ADGRL3: variants seen among roughly 807,000 people sequenced by gnomAD.
ADGRL3 encodes adhesion G protein-coupled receptor L3, also known as calcium-independent alpha-latrotoxin receptor 3.
A neutral mutation model predicts 153.5 loss-of-function variants in ADGRL3; 62 were observed. The ratio of observed to expected loss-of-function variants is 0.40; its 90% CI spans 0.33 to 0.50. The LOEUF is 0.50. Ranked by LOEUF, ADGRL3 falls within the 20% of genes least tolerant of loss-of-function variation. The probability of loss-of-function intolerance (pLI) is 0.47; values close to 1 mark genes in which losing one functional copy is unlikely to be tolerated. For missense variants in ADGRL3, 1,641 were observed against 1,859.4 expected (o/e 0.88, Z 2.16); for synonymous variants, 710 against 672.5 (o/e 1.06, Z -0.86).
intron 4 of ADGRL3, among the ~76,000 whole-genome samples, chr4:61,566,059 T>C (rs972015614): frequency 2.0e-5 from 3 of 152,142 alleles, no homozygotes; most frequent in Non-Finnish European, 4.4e-5. Flanking sequence ...CCCCAGAACA[T>C]TGAACTATAG....
At chr4:61,733,977 C>T (rs1580510468) in intron 8 of ADGRL3, among the ~76,000 whole-genome samples, 1 of 152,152 alleles carries the variant, frequency 6.6e-6, no homozygotes, top group Non-Finnish European at 1.5e-5. Context: ...GGAGCCCGCA[C>T]CAATGTAGTC....
At chr4:61,647,772 G>T (rs1394602470) in intron 5 of ADGRL3, among the ~76,000 whole-genome samples, 2 of 152,126 alleles carry the variant, frequency 1.3e-5, no homozygotes, top group East Asian at 3.9e-4. Flanking sequence ...GTAAAAAATT[G>T]TATAAGAAAT....
Position 61,851,122 on chromosome 4 carries a change from C to T in ADGRL3, c.1480+37233C>T, listed in dbSNP as rs989542595. 2.6e-5 allele frequency among the ~76,000 whole-genome samples: 4 copies of T among 152,214 alleles called. No homozygotes were observed. The East Asian group carries it at 7.7e-4, about 29-fold the overall frequency. ...TTTTTCTATCTACTGTTTTTAATTA[C>T]ATACTTAATATCCAAGTCTTTTAGT... On this transcript the variant is annotated intron_variant, in intron 9 of 26. Coordinates refer to ENST00000683033, the MANE Select transcript of ADGRL3 (RefSeq NM_001387552.1).
intron 1 of ADGRL3, among the ~76,000 whole-genome samples, chr4:61,210,955 T>A (rs1180430304): frequency 6.6e-6 from 1 of 152,208 alleles, no homozygotes; most frequent in East Asian, 1.9e-4. Flanking sequence ...TTTAAAAAAA[T>A]TATATACAAT....
Position 61,552,760 on chromosome 4 carries a change from T to G in ADGRL3, c.260-34467T>G, listed in dbSNP as rs546526259. Among the ~76,000 whole-genome samples, 6 of 152,294 alleles carry G rather than the reference T, an allele frequency of 3.9e-5. No individual in the cohort carries two copies. In the South Asian group the frequency reaches 1.2e-3, roughly 32 times the overall value. ...CTGGACTTATAGGCATGAACCACCG[T>G]GTCCCATCAGCCTTTTTAATATCAA... On this transcript the variant is annotated intron_variant, in intron 4 of 26. Transcript: ENST00000683033.
intron 2 of ADGRL3, among the ~76,000 whole-genome samples, chr4:61,478,494 A>G (rs2098092139): frequency 6.6e-6 from 1 of 152,118 alleles, no homozygotes; most frequent in Non-Finnish European, 1.5e-5. Flanking sequence ...CTTAGAATTC[A>G]AAGAAACTTC....
chr4:61,599,859 C>A (rs1185926760), intron 5 of ADGRL3, among the ~76,000 whole-genome samples: 1 of 152,146 alleles, frequency 6.6e-6, no homozygotes, highest in African/African-American at 2.4e-5. Flanking sequence ...TTCTGAGTCA[C>A]AACAGCTTTT....
At chr4:61,923,650 G>A (rs531091871) in intron 13 of ADGRL3, among the ~76,000 whole-genome samples, 1 of 152,048 alleles carries the variant, frequency 6.6e-6, no homozygotes, top group Non-Finnish European at 1.5e-5. Context: ...CTTCATTCCA[G>A]TAACTTTGAC....
intron 5 of ADGRL3, among the ~76,000 whole-genome samples, chr4:61,644,236 A>C (rs1329633083): frequency 6.8e-6 from 1 of 146,626 alleles, no homozygotes; most frequent in Non-Finnish European, 1.5e-5. Flanking sequence ...CTTTCAAAAA[A>C]CCAGCTCCTG....
At chr4:61,854,576 C>T (rs2098242352) in intron 9 of ADGRL3, among the ~76,000 whole-genome samples, 1 of 152,208 alleles carries the variant, frequency 6.6e-6, no homozygotes, top group East Asian at 1.9e-4. Context: ...TGAGTAAATA[C>T]GTGAAGGAGA....
chr4:61,713,371 T>C (rs939682960), intron 6 of ADGRL3, among the ~76,000 whole-genome samples: 4 of 152,048 alleles, frequency 2.6e-5, no homozygotes, highest in African/African-American at 9.7e-5. Flanking sequence ...TCAGCAAGTA[T>C]TTATTGTGTG....
At chr4:61,654,679 A>G (rs2150448931) in intron 5 of ADGRL3, among the ~76,000 whole-genome samples, 1 of 152,236 alleles carries the variant, frequency 6.6e-6, no homozygotes, top group Middle Eastern at 3.4e-3. Flanking sequence ...TGGGCAGATC[A>G]CGAGGTCAGG....
chr4:62,064,754 A>C (rs964782913), intron 25 of ADGRL3, among the ~76,000 whole-genome samples: 4 of 151,926 alleles, frequency 2.6e-5, no homozygotes, highest in African/African-American at 9.7e-5. Context: ...ATTGCAGAAA[A>C]GGATATATTT....
intron 9 of ADGRL3, among the ~76,000 whole-genome samples, chr4:61,885,941 A>T (rs1229578567): frequency 6.6e-6 from 1 of 152,170 alleles, no homozygotes; most frequent in Non-Finnish European, 1.5e-5. Flanking sequence ...TAATATAAAT[A>T]AATGCCCCCC....
intron 5 of ADGRL3, among the ~76,000 whole-genome samples, chr4:61,647,174 G>C (rs548256430): frequency 2.6e-5 from 4 of 152,190 alleles, no homozygotes; most frequent in Admixed American, 2.6e-4. Context: ...TGCGCCCACT[G>C]TCTGGCACTC....
chr4:61,481,643 A>G (rs917777762), intron 2 of ADGRL3, among the ~76,000 whole-genome samples: 2 of 152,130 alleles, frequency 1.3e-5, no homozygotes, highest in East Asian at 1.9e-4. Flanking sequence ...ACCACATGGA[A>G]GTTTGAAAGA....
chr4:61,270,074 A>G (rs2093076808), intron 1 of ADGRL3, among the ~76,000 whole-genome samples: 1 of 151,754 alleles, frequency 6.6e-6, no homozygotes, highest in South Asian at 2.1e-4. Flanking sequence ...TGTATTTATT[A>G]ATAGACATAC....
chr4:61,977,844 T>C (rs183388295), intron 17 of ADGRL3, among the ~76,000 whole-genome samples: 1 of 152,238 alleles, frequency 6.6e-6, no homozygotes, highest in Non-Finnish European at 1.5e-5. Flanking sequence ...GTTTGTTACA[T>C]AGGTGTATTG....
chr4:61,552,758 C>T (rs1005209997), intron 4 of ADGRL3, among the ~76,000 whole-genome samples: 13 of 152,126 alleles, frequency 8.5e-5, no homozygotes, highest in Non-Finnish European at 2.9e-5. Flanking sequence ...CATGAACCAC[C>T]GTGTCCCATC....
Sources: gnomAD v4.1 joint callset for allele counts (sites outside exome capture counted in the v4.1 genomes callset) on GRCh38, gnomAD v4.1.1 for gene constraint, MANE v1.5 for transcripts, NCBI Gene and HGNC (gene_info 2026-07-23, HGNC 2026-07-21) for gene names.